FILIP1L: variants seen among roughly 807,000 people sequenced by gnomAD.
FILIP1L encodes the protein filamin A interacting protein 1 like, also known as filamin A-interacting protein 1-like.
FILIP1L carries 55 observed loss-of-function variants against 96.6 expected under a neutral mutation model. That is an observed-to-expected ratio of 0.57 (90% CI 0.46 to 0.71). The LOEUF is 0.71. Ranked by LOEUF, FILIP1L falls within the 30% of genes least tolerant of loss-of-function variation. FILIP1L has a pLI of 0.00. For synonymous variants in FILIP1L, 467 were observed against 473.9 expected (o/e 0.99, Z 0.19); for missense variants, 1,304 against 1,321.2 (o/e 0.99, Z 0.20).
At chr3:99,905,445 G>A (rs1706583604) in intron 4 of FILIP1L, among the ~76,000 whole-genome samples, 1 of 152,152 alleles carries the variant, frequency 6.6e-6, no homozygotes, top group South Asian at 2.1e-4. Context: ...CACAGCAATT[G>A]CTGGTCTAGT....
intron 4 of FILIP1L, among the ~76,000 whole-genome samples, chr3:99,877,735 A>G (rs1466629672): frequency 6.6e-6 from 1 of 152,168 alleles, no homozygotes; most frequent in Non-Finnish European, 1.5e-5. Flanking sequence ...CATACTTATT[A>G]AATATCCTTT....
chr3:99,881,813 G>A (rs890328650), intron 4 of FILIP1L, among the ~76,000 whole-genome samples: 6 of 152,138 alleles, frequency 3.9e-5, no homozygotes, highest in African/African-American at 7.2e-5. Flanking sequence ...GATTATAGGC[G>A]TGAGCCACCG....
intron 3 of FILIP1L, among the ~76,000 whole-genome samples, chr3:99,929,031 A>G (rs983749230): frequency 1.3e-5 from 2 of 152,224 alleles, no homozygotes; most frequent in African/African-American, 4.8e-5. Context: ...GCCAGAGTTT[A>G]TTTGAGGGAA....
intron 1 of FILIP1L, among the ~76,000 whole-genome samples, chr3:100,036,368 A>G (rs1396397123): frequency 6.6e-6 from 1 of 152,210 alleles, no homozygotes; most frequent in Non-Finnish European, 1.5e-5. Context: ...GAAGTCTCAA[A>G]AAATGATGAG....
chr3:100,002,310 T>A (rs1040234132), intron 1 of FILIP1L, among the ~76,000 whole-genome samples: 1 of 152,234 alleles, frequency 6.6e-6, no homozygotes, highest in South Asian at 2.1e-4. Flanking sequence ...AAACTTCTTG[T>A]TGTTCAAAAC....
At chr3:100,026,857 C>T (rs2064931580) in intron 1 of FILIP1L, among the ~76,000 whole-genome samples, 1 of 152,144 alleles carries the variant, frequency 6.6e-6, no homozygotes, top group East Asian at 1.9e-4. Context: ...CATCGCCCCA[C>T]TGCCCACAAT....
At chr3:99,988,822 A>G (rs1709430327) in intron 1 of FILIP1L, among the ~76,000 whole-genome samples, 1 of 152,170 alleles carries the variant, frequency 6.6e-6, no homozygotes, top group Non-Finnish European at 1.5e-5. Context: ...CTGTTCTTTC[A>G]TTGGTAATTT....
At chr3:99,938,264 T>G (rs1328801709) in intron 1 of FILIP1L, among the ~76,000 whole-genome samples, 1 of 152,178 alleles carries the variant, frequency 6.6e-6, no homozygotes, top group African/African-American at 2.4e-5. Flanking sequence ...ATGAACTGAG[T>G]ATGCACTACA....
intron 4 of FILIP1L, among the ~76,000 whole-genome samples, chr3:99,918,283 TTA>T (rs1707017764): frequency 6.6e-6 from 1 of 152,124 alleles, no homozygotes; most frequent in African/African-American, 2.4e-5. Context: ...GCCCCTTGTT[TTA>T]TATACCAGAA....
At chr3:100,021,307 G>C (rs1458773557) in intron 1 of FILIP1L, among the ~76,000 whole-genome samples, 4 of 152,194 alleles carry the variant, frequency 2.6e-5, no homozygotes, top group South Asian at 4.1e-4. Flanking sequence ...TTGTTAAAAA[G>C]TGAGGCTCAG....
At chr3:99,916,497 C>T (rs1000468791) in intron 4 of FILIP1L, among the ~76,000 whole-genome samples, 5 of 151,568 alleles carry the variant, frequency 3.3e-5, no homozygotes, top group Non-Finnish European at 5.9e-5. Flanking sequence ...TTCTGTTTCT[C>T]TGGAGGACCC....
chr3:99,923,538 T>C (rs907842012), intron 4 of FILIP1L, among the ~76,000 whole-genome samples: 6 of 152,228 alleles, frequency 3.9e-5, no homozygotes, highest in Non-Finnish European at 8.8e-5. Context: ...CTAATTCATA[T>C]TGACTAAACA....
At chr3:100,113,666 G>A (rs1185396299) in intron 1 of FILIP1L, among the ~76,000 whole-genome samples, 1 of 152,144 alleles carries the variant, frequency 6.6e-6, no homozygotes, top group Non-Finnish European at 1.5e-5. Flanking sequence ...TTTTGACACT[G>A]TATATTGATC....
rs1942635214 is a variant in FILIP1L, at chr3:99,830,497, T to C, written c.3490A>G (p.Ile1164Val). 1 of 456,680 alleles carries C rather than the reference T, an allele frequency of 2.2e-6. No individual in the cohort carries two copies. Among genetic ancestry groups the C allele is most frequent in the Non-Finnish European group, 4.4e-6 (1 of 226,962 alleles). 28.3% of individuals were successfully genotyped at this position (456,680 alleles called of 1,614,324 possible). ...KAPTVPMDKP[I>V]YQNGCGKLHI... The stretch of plus-strand genomic sequence containing the variant: ...AGCTTCCCACAGCCATTTTGGTAAA[T>C]AGGCTTATCCATAGGCACTGTGGGG... The change falls in exon 6 of 6, where the codon ATT (isoleucine) becomes GTT (valine). Residue 1164 changes from isoleucine to valine, a missense_variant. Ile to Val is a conservative substitution (Grantham distance 29, BLOSUM62 3). Coordinates refer to ENST00000477258, the MANE Select transcript of FILIP1L (RefSeq NM_001387850.1).
intron 4 of FILIP1L, among the ~76,000 whole-genome samples, chr3:99,868,483 G>T (rs1423394358): frequency 6.6e-6 from 1 of 152,180 alleles, no homozygotes; most frequent in Non-Finnish European, 1.5e-5. Flanking sequence ...GGATAGACTA[G>T]CATAACCAGA....
At chr3:99,893,087 A>C (rs1257651093) in intron 4 of FILIP1L, among the ~76,000 whole-genome samples, 3 of 151,998 alleles carry the variant, frequency 2.0e-5, no homozygotes, top group African/African-American at 7.3e-5. Context: ...TACTGGGAAG[A>C]AATCTGGGGA....
At chr3:99,880,985 T>A (rs1705707423) in intron 4 of FILIP1L, among the ~76,000 whole-genome samples, 1 of 152,220 alleles carries the variant, frequency 6.6e-6, no homozygotes, top group Admixed American at 6.5e-5. Flanking sequence ...AAAGCGCATG[T>A]TTACATATTC....
chr3:100,064,790 T>C (rs1477046980), intron 1 of FILIP1L, among the ~76,000 whole-genome samples: 1 of 152,150 alleles, frequency 6.6e-6, no homozygotes, highest in African/African-American at 2.4e-5. Flanking sequence ...GAGAGTCAAT[T>C]TGACAAACAG....
chr3:99,850,621 T>G lies in FILIP1L; in HGVS notation c.1055A>C (p.Gln352Pro). 6.2e-7 allele frequency: 1 copy of G among 1,614,042 alleles called. No individual in the cohort carries two copies. The highest frequency in any genetic ancestry group is 8.5e-7 in the Non-Finnish European group (1 of 1,180,028). Residue 352 changes from glutamine (Q) to proline (P), a missense_variant, in exon 5 of 6, where the codon CAA becomes CCA. Transcript: ENST00000477258. ...RSLRKAEEELQDIKEKISKGE... is the reference protein window; with the variant it reads ...RSLRKAEEELPDIKEKISKGE... The stretch of plus-strand genomic sequence containing the variant: ...CTTACTGATTTTTTCTTTTATATCT[T>G]GCAGCTCCTCTTCTGCTTTTCGTAA...
Sources: allele counts gnomAD v4.1 joint callset (sites outside exome capture counted in the v4.1 genomes callset), GRCh38; gene constraint gnomAD v4.1.1; transcripts MANE v1.5; gene names NCBI Gene and HGNC (gene_info 2026-07-23, HGNC 2026-07-21).